Variants in TENM3 observed in about 807,000 individuals in gnomAD.
TENM3 encodes the protein teneurin-3.
In TENM3, 63 loss-of-function variants were observed where a neutral mutation model predicts 255.1. That is an observed-to-expected ratio of 0.25 (90% CI 0.20 to 0.30). The LOEUF (loss-of-function observed/expected upper bound fraction) is 0.30. TENM3 is among the 10% of genes least tolerant of loss of function. The pLI is 1.00. For synonymous variants in TENM3, 1,306 were observed against 1,322.3 expected, an observed-to-expected ratio of 0.99 and a Z score of 0.27; for missense variants, 2,929 against 3,461.1, an observed-to-expected ratio of 0.85 and a Z score of 3.86.
chr4:181,670,884 GA>G, the TENM3 span, among the ~76,000 whole-genome samples: 1 of 152,140 alleles, frequency 6.6e-6, no homozygotes, highest in Non-Finnish European at 1.5e-5. Context: ...CTAAACAGCA[GA>G]AAAAAGCCAG....
At chr4:181,593,609 T>G in the TENM3 span, among the ~76,000 whole-genome samples, 1 of 152,234 alleles carries the variant, frequency 6.6e-6, no homozygotes, top group Non-Finnish European at 1.5e-5. Context: ...ACAAAAATTT[T>G]TTGTTAGTAT....
the TENM3 span, among the ~76,000 whole-genome samples, chr4:181,889,701 T>C: frequency 0.019 from 2,896 of 152,278 alleles, 34 homozygotes; most frequent in South Asian, 0.036. Context: ...ACTATAATCC[T>C]TGGAACTGTG....
the TENM3 span, among the ~76,000 whole-genome samples, chr4:181,715,186 A>G: frequency 6.6e-6 from 1 of 152,164 alleles, no homozygotes; most frequent in Non-Finnish European, 1.5e-5. Flanking sequence ...TTAAGATTCT[A>G]CTATGTCGGT....
intron 4 of TENM3, among the ~76,000 whole-genome samples, chr4:182,628,238 G>A (rs1751021679): frequency 6.6e-6 from 1 of 152,156 alleles, no homozygotes; most frequent in Admixed American, 6.5e-5. Context: ...AGTCTCATGA[G>A]TAGTAAATGG....
At position 182,799,875 on chromosome 4, in the gene TENM3, G is replaced by A. The variant is rs201658476; in HGVS notation, c.7624G>A (p.Glu2542Lys). 1.5e-5 allele frequency: 24 copies of A among 1,610,624 alleles called. No homozygotes were observed. The Admixed American group carries it at 1.5e-4, about 10-fold the overall frequency. The change falls in exon 28 of 28, where the codon GAG (glutamate) becomes AAG (lysine). Residue 2542 changes from glutamate (E) to lysine (K), a missense_variant. By Grantham distance (56) the Glu-to-Lys change is moderately conservative (BLOSUM62 1). Around this residue, in one of 6 missense-constraint regions of TENM3, gnomAD observed 476 missense variants for 480.1 expected, o/e 0.99. Coordinates refer to ENST00000511685, the MANE Select transcript of TENM3 (RefSeq NM_001080477.4). The surrounding 1 kb of genome is among the most constrained non-coding windows in gnomAD (Gnocchi z 4.2). ...CCTGGAGAACCTGCACTTCACCATC[G>A]AGGGCAAGGACACGCACTACTTCAT... Reference protein sequence around the residue: ...FYLENLHFTIEGKDTHYFIKT... With the variant: ...FYLENLHFTIKGKDTHYFIKT...
At chr4:181,524,337 C>T in the TENM3 span, among the ~76,000 whole-genome samples, 1 of 152,136 alleles carries the variant, frequency 6.6e-6, no homozygotes. Flanking sequence ...AACTTCCATA[C>T]CGGCCAAACC....
intron 3 of TENM3, among the ~76,000 whole-genome samples, chr4:182,596,666 C>T (rs754511532): frequency 1.3e-4 from 20 of 152,076 alleles, no homozygotes; most frequent in African/African-American, 2.4e-4. Context: ...AAGGAATATG[C>T]GAAGAGGACA....
At chr4:181,476,674 G>A in the TENM3 span, among the ~76,000 whole-genome samples, 2 of 152,148 alleles carry the variant, frequency 1.3e-5, no homozygotes, top group Non-Finnish European at 2.9e-5. Context: ...TGCACAGCCC[G>A]TTTTGGAGAA....
chr4:181,605,576 G>GA, the TENM3 span, among the ~76,000 whole-genome samples: 1 of 23,088 alleles, frequency 4.3e-5, no homozygotes, highest in African/African-American at 7.8e-5. Flanking sequence ...GAAAGAGAGA[G>GA]AAAGAAAGGA....
chr4:182,516,806 G>A (rs1218932034), intron 3 of TENM3, among the ~76,000 whole-genome samples: 8 of 151,632 alleles, frequency 5.3e-5, no homozygotes, highest in East Asian at 3.9e-4. Flanking sequence ...CAGGAGAATC[G>A]CTTGAACCCA....
the TENM3 span, among the ~76,000 whole-genome samples, chr4:181,482,916 G>A: frequency 6.6e-5 from 10 of 152,096 alleles, no homozygotes; most frequent in African/African-American, 1.4e-4. Context: ...GTGTTCGGCC[G>A]ATACCTAGAG....
At chr4:181,837,073 ATAAT>A in the TENM3 span, among the ~76,000 whole-genome samples, 2 of 152,188 alleles carry the variant, frequency 1.3e-5, no homozygotes, top group African/African-American at 2.4e-5. Context: ...ATAGTTTTAA[ATAAT>A]CACTTTCTTG....
chr4:182,392,201 G>A (rs895964514), intron 3 of TENM3, among the ~76,000 whole-genome samples: 6 of 152,246 alleles, frequency 3.9e-5, no homozygotes, highest in African/African-American at 1.2e-4. Context: ...TCCTCTAAGC[G>A]GCTCTCCATT....
At chr4:181,779,801 C>T in the TENM3 span, among the ~76,000 whole-genome samples, 190 of 152,194 alleles carry the variant, frequency 1.2e-3, 1 homozygote, top group African/African-American at 4.4e-3. Context: ...CCGCACCCCA[C>T]GACAGGCCCC....
chr4:182,594,573 G>C (rs1358822940), intron 3 of TENM3, among the ~76,000 whole-genome samples: 1 of 152,102 alleles, frequency 6.6e-6, no homozygotes, highest in Non-Finnish European at 1.5e-5. Context: ...GTATTTGCTT[G>C]TGTGTTCTCA....
At chr4:182,300,193 C>T (rs138809566) in intron 1 of TENM3, among the ~76,000 whole-genome samples, 59 of 152,060 alleles carry the variant, frequency 3.9e-4, no homozygotes, top group South Asian at 8.3e-4. Context: ...GGATTACAGG[C>T]GTGAGCCACC....
the TENM3 span, among the ~76,000 whole-genome samples, chr4:181,648,521 G>T: frequency 6.6e-6 from 1 of 152,164 alleles, no homozygotes; most frequent in Non-Finnish European, 1.5e-5. Context: ...AAACTCTCAT[G>T]GCAGTTTCTC....
chr4:182,801,311 C>T lies in TENM3; in HGVS notation c.*960C>T, dbSNP rs1323858894. The stretch of plus-strand genomic sequence containing the variant: ...ACTAGATGGATAGGACCGTGCAATT[C>T]TAGGTGGGTGGCGAATCAGAGAGCT... On this transcript the variant is annotated 3_prime_UTR_variant, in exon 28 of 28. Coordinates refer to ENST00000511685, the MANE Select transcript of TENM3 (RefSeq NM_001080477.4). 1 of 152,274 alleles carries T rather than the reference C, an allele frequency of 6.6e-6. No homozygotes were observed. The highest frequency in any genetic ancestry group is 1.5e-5 in the Non-Finnish European group (1 of 68,026). The allele number at this position is 152,274 out of a possible 1,614,324, so 9.4% of individuals were successfully genotyped here.
At chr4:181,457,435 C>A in the TENM3 span, among the ~76,000 whole-genome samples, 1 of 151,634 alleles carries the variant, frequency 6.6e-6, no homozygotes, top group Admixed American at 6.6e-5. Flanking sequence ...TCTTGGTAGT[C>A]ATTTTTTTTT....
Sources: allele counts gnomAD v4.1 joint callset (sites outside exome capture counted in the v4.1 genomes callset), GRCh38; gene constraint gnomAD v4.1.1; regional missense constraint gnomAD v4.1.1; non-coding constraint Gnocchi (gnomAD v3.1); transcripts MANE v1.5; gene names NCBI Gene and HGNC (gene_info 2026-07-23, HGNC 2026-07-21).